The following AMER3 variants were observed in gnomAD, a reference collection of about 807,000 sequenced individuals.
The protein encoded by AMER3 is family with sequence similarity 123C.
For missense variants in AMER3, 1,201 were observed against 1,139.4 expected, an observed-to-expected ratio of 1.05 and a Z score of -0.78; for synonymous variants, 541 against 485.5, an observed-to-expected ratio of 1.11 and a Z score of -1.50.
Position 130,762,839 on chromosome 2 carries a change from A to G in AMER3, c.767A>G (p.Asp256Gly). The change falls in exon 2 of 2, where the codon GAT becomes GGT. Residue 256 changes from aspartate (D) to glycine (G), a missense_variant. Physicochemically the swap from Asp to Gly is moderately conservative, Grantham distance 94. Coordinates refer to ENST00000321420, the MANE Select transcript of AMER3 (RefSeq NM_152698.3). ...ACGGGTTGTGGGGAGGTGTTCGCAG[A>G]TGAGAGCTCGGTGCCATCTCTGGAG... ...SLTGCGEVFA[D>G]ESSVPSLELN... 6.2e-7 allele frequency: 1 copy of G among 1,613,458 alleles called. No individual in the cohort carries two copies. Among genetic ancestry groups the G allele is most frequent in the Non-Finnish European group, 8.5e-7 (1 of 1,179,992 alleles).
In AMER3 at chr2:130,765,817, A is replaced by G. The variant is rs1479013181; in HGVS notation, c.*1159A>G. The G allele has an allele frequency of 6.0e-6, 1 of 167,006 alleles. No homozygotes were observed. Among genetic ancestry groups the G allele is most frequent in the Non-Finnish European group, 1.5e-5 (1 of 68,120 alleles). 10.3% of individuals were successfully genotyped at this position (167,006 alleles called of 1,614,324 possible). A position where few individuals can be genotyped will look rare whatever the true frequency, so the allele number is the denominator to read the frequency against. The stretch of plus-strand genomic sequence containing the variant: ...AGCAGATTGAATGCTGCCCACCAAC[A>G]TTGAGGGTGGATCTTCCACACCTAG... On this transcript the variant is annotated 3_prime_UTR_variant, in exon 2 of 2. Transcript: ENST00000321420.
At position 130,762,336 on chromosome 2, in the gene AMER3, G is replaced by A. The variant is rs771546193; in HGVS notation, c.264G>A (p.Pro88=). Residue 88 remains proline (P), a synonymous_variant, in exon 2 of 2, where the codon CCG becomes CCA. Coordinates refer to ENST00000321420, the MANE Select transcript of AMER3 (RefSeq NM_152698.3). ...CCCTCTGTGGAGCCACCTTCAAACC[G>A]GTGCGAAAGTGCAAGACTCACGACA... ...PAALCGATFK[P]VRKCKTHDSM... 4.0e-5 allele frequency: 65 copies of A among 1,610,912 alleles called. No individual in the cohort carries two copies. In the African/African-American group the frequency reaches 5.7e-4, roughly 14 times the overall value.
In AMER3 at chr2:130,764,827, C is replaced by A; in HGVS notation, c.*169C>A. The A allele has an allele frequency of 1.2e-6, 1 of 860,096 alleles. No individual in the cohort carries two copies. Among genetic ancestry groups the A allele is most frequent in the Non-Finnish European group, 1.8e-6 (1 of 565,078 alleles). The allele number at this position is 860,096 out of a possible 1,614,324, so 53.3% of individuals were successfully genotyped here. A position where few individuals can be genotyped will look rare whatever the true frequency, so the allele number is the denominator to read the frequency against. ...GCATGTTCATGTGGAGGCATCCTTG[C>A]CTGAACCCACCAGCTCAGGCAGCCC... On this transcript the variant is annotated 3_prime_UTR_variant, in exon 2 of 2. Coordinates refer to ENST00000321420, the MANE Select transcript of AMER3 (RefSeq NM_152698.3).
rs1678988246 is a variant in AMER3 at position 130,766,535 on chromosome 2, G to C, written c.*1877G>C. ...AGACAGGGTCTCACTTTGTTGCCCAGGTGGGAATGGGAGTGCAGTGGCACA... is the reference window on the plus strand; with the variant it reads ...AGACAGGGTCTCACTTTGTTGCCCACGTGGGAATGGGAGTGCAGTGGCACA... On this transcript the variant is annotated 3_prime_UTR_variant, in exon 2 of 2. Transcript: ENST00000321420. The C allele has an allele frequency of 7.1e-6, 1 of 140,678 alleles. No individual in the cohort carries two copies. The highest frequency in any genetic ancestry group is 2.8e-5 in the African/African-American group (1 of 35,888). The allele number at this position is 140,678 out of a possible 1,614,324, so 8.7% of individuals were successfully genotyped here.
rs1388071721 is a variant in AMER3 at position 130,755,567 on chromosome 2, C to G, written c.-127C>G. 1 of 152,800 alleles carries G rather than the reference C, an allele frequency of 6.5e-6. No homozygotes were observed. Among genetic ancestry groups the G allele is most frequent in the Non-Finnish European group, 1.5e-5 (1 of 68,526 alleles). 9.5% of individuals were successfully genotyped at this position (152,800 alleles called of 1,614,324 possible). A position where few individuals can be genotyped will look rare whatever the true frequency, so the allele number is the denominator to read the frequency against. On this transcript the variant is annotated 5_prime_UTR_variant, in exon 1 of 2. Transcript: ENST00000321420. Reference sequence around the variant, plus strand: ...TCCACCCCAGCCCCAGGCACTGAACCACGCGTGCAGACCCCTCGTCCTCAG... The same window carrying G: ...TCCACCCCAGCCCCAGGCACTGAACGACGCGTGCAGACCCCTCGTCCTCAG...
chr2:130,756,837 C>A (rs1678626533), intron 1 of AMER3, among the ~76,000 whole-genome samples: 2 of 150,812 alleles, frequency 1.3e-5, no homozygotes, highest in South Asian at 4.2e-4. Flanking sequence ...AGAGCACGGT[C>A]GCTTTCCCTC....
intron 1 of AMER3, among the ~76,000 whole-genome samples, chr2:130,757,770 G>C (rs1678653293): frequency 6.6e-6 from 1 of 152,170 alleles, no homozygotes; most frequent in Non-Finnish European, 1.5e-5. Context: ...TGTTCCCATG[G>C]AACTTGCAAG....
chr2:130,764,322 G>C lies in AMER3; in HGVS notation c.2250G>C (p.Gln750His). 2 of 1,608,880 alleles carry C rather than the reference G, an allele frequency of 1.2e-6. No homozygotes were observed. Among genetic ancestry groups the C allele is most frequent in the Non-Finnish European group, 1.7e-6 (2 of 1,176,578 alleles). The stretch of plus-strand genomic sequence containing the variant: ...ACCAGAGGTGTCGAGATCGTGTCCA[G>C]GACCTGAGCTGGCTCAGGGTGGAGC... ...TQDQRCRDRV[Q>H]DLSWLRVEPT... Residue 750 changes from glutamine to histidine, a missense_variant, in exon 2 of 2, where the codon CAG becomes CAC. Transcript: ENST00000321420.
chr2:130,760,154 G>A (rs756979737), intron 1 of AMER3, among the ~76,000 whole-genome samples: 17 of 152,240 alleles, frequency 1.1e-4, no homozygotes, highest in Non-Finnish European at 2.5e-4. Flanking sequence ...ACTAGCAACA[G>A]CTGAGCTGCA....
rs1678846119 is a variant in AMER3, at chr2:130,763,023, G to T, written c.951G>T (p.Val317=). 1.2e-6 allele frequency: 2 copies of T among 1,613,408 alleles called. No homozygotes were observed. Among genetic ancestry groups the T allele is most frequent in the Non-Finnish European group, 1.7e-6 (2 of 1,180,016 alleles). ...TCTGGGACAGTGTGAATCGCTCAGT[G>T]CGTCAGCAGCAGCGTGCCCTCCTAG... ...TRFWDSVNRS[V]RQQQRALLGP... is the part of the protein sequence containing the mutation. Residue 317 remains valine, a synonymous_variant, in exon 2 of 2, where the codon GTG becomes GTT. Coordinates refer to ENST00000321420, the MANE Select transcript of AMER3 (RefSeq NM_152698.3).
In AMER3 at chr2:130,762,800, G is replaced by A; in HGVS notation, c.728G>A (p.Ser243Asn). The A allele has an allele frequency of 6.2e-7, 1 of 1,612,646 alleles. No homozygotes were observed. The highest frequency in any genetic ancestry group is 8.5e-7 in the Non-Finnish European group (1 of 1,179,326). Residue 243 changes from serine (S) to asparagine (N), a missense_variant, in exon 2 of 2, where the codon AGC becomes AAC. Ser to Asn is a conservative substitution (Grantham distance 46, BLOSUM62 1). Transcript: ENST00000321420. ...TGTGAGGACGTGGCCTCACTCCAGAGCTTCGACTCGCTCACGGGTTGTGGG... is the reference window on the plus strand; with the variant it reads ...TGTGAGGACGTGGCCTCACTCCAGAACTTCGACTCGCTCACGGGTTGTGGG... ...ALCEDVASLQ[S>N]FDSLTGCGEV...
rs757455275 is a variant in AMER3 at position 130,764,075 on chromosome 2, A to G, written c.2003A>G (p.Asp668Gly). ...WRPGHGGDTL[D>G]AEPMLAGCVA... Reference sequence around the variant, plus strand: ...CCAGGTCACGGAGGTGACACTCTGGATGCAGAGCCCATGCTGGCAGGCTGT... The same window carrying G: ...CCAGGTCACGGAGGTGACACTCTGGGTGCAGAGCCCATGCTGGCAGGCTGT... Residue 668 changes from aspartate to glycine, a missense_variant, in exon 2 of 2, where the codon GAT becomes GGT. Physicochemically the swap from Asp to Gly is moderately conservative, Grantham distance 94. Transcript: ENST00000321420. 2 of 1,612,206 alleles carry G rather than the reference A, an allele frequency of 1.2e-6. No homozygotes were observed. Among genetic ancestry groups the G allele is most frequent in the South Asian group, 2.2e-5 (2 of 90,806 alleles).
chr2:130,762,355 C>T lies in AMER3; in HGVS notation c.283C>T (p.His95Tyr), dbSNP rs373392703. Residue 95 changes from histidine (H) to tyrosine (Y), a missense_variant, in exon 2 of 2, where the codon CAC becomes TAC. Coordinates refer to ENST00000321420, the MANE Select transcript of AMER3 (RefSeq NM_152698.3). ...CAAACCGGTGCGAAAGTGCAAGACT[C>T]ACGACAGCATGTCTGGGGCAGGCAG... ...TFKPVRKCKT[H>Y]DSMSGAGRAT... 1.9e-6 allele frequency: 3 copies of T among 1,612,142 alleles called. No homozygotes were observed. In the Admixed American group the frequency reaches 5.0e-5, roughly 27 times the overall value.
rs1678974622 is a variant in AMER3 at position 130,766,064 on chromosome 2, T to TG, written c.*1407dup. The TG allele has an allele frequency of 6.0e-6, 1 of 167,078 alleles. No individual in the cohort carries two copies. The highest frequency in any genetic ancestry group is 6.5e-5 in the Admixed American group (1 of 15,292). 10.3% of individuals were successfully genotyped at this position (167,078 alleles called of 1,614,324 possible). On this transcript the variant is annotated 3_prime_UTR_variant, in exon 2 of 2. Coordinates refer to ENST00000321420, the MANE Select transcript of AMER3 (RefSeq NM_152698.3). ...AAGGCAGTAGCTCCACCTAACATGA[T>TG]GCAACTATCCCGGGATTGTGATTTT...
rs759731858 is a variant in AMER3 at position 130,764,530 on chromosome 2, C to T, written c.2458C>T (p.Gln820Ter). Residue 820 changes from glutamine to a stop codon, truncating the protein, a stop_gained, in exon 2 of 2, where the codon CAG becomes TAG. Transcript: ENST00000321420. LOFTEE classifies it low-confidence loss of function (END_TRUNC). ...AAGCCTGGGCCTCACTTTGAACAGCCAGCAGGAAGGGGGGGTCTCTGCAAG... is the reference window on the plus strand; with the variant it reads ...AAGCCTGGGCCTCACTTTGAACAGCTAGCAGGAAGGGGGGGTCTCTGCAAG... ...PESLGLTLNS[Q>*]QEGGVSASAP... 1.2e-6 allele frequency: 2 copies of T among 1,603,782 alleles called. No individual in the cohort carries two copies. The highest frequency in any genetic ancestry group is 2.2e-5 in the East Asian group (1 of 44,620).
chr2:130,762,545 A>C lies in AMER3; in HGVS notation c.473A>C (p.Lys158Thr). The change falls in exon 2 of 2, where the codon AAG becomes ACG. Residue 158 changes from lysine to threonine, a missense_variant. Lys to Thr is a moderately conservative substitution (Grantham distance 78). Transcript: ENST00000321420. ...RKRISLKRPK[K>T]CFRNLFHIRR... ...AGGATTTCCCTGAAGAGGCCCAAGA[A>C]GTGCTTTCGGAACCTATTCCACATT... is the stretch of plus-strand genomic sequence containing the variant. 1.2e-6 allele frequency: 2 copies of C among 1,613,506 alleles called. No homozygotes were observed. Among genetic ancestry groups the C allele is most frequent in the Non-Finnish European group, 1.7e-6 (2 of 1,180,010 alleles).
Position 130,763,662 on chromosome 2 carries a change from A to G in AMER3, c.1590A>G (p.Pro530=), listed in dbSNP as rs749202289. The change falls in exon 2 of 2, where the codon CCA becomes CCG. Residue 530 remains proline (P), a synonymous_variant. Coordinates refer to ENST00000321420, the MANE Select transcript of AMER3 (RefSeq NM_152698.3). The part of the protein sequence containing the change: ...APPTPGQPAA[P]PGSQGAPRAP... The stretch of plus-strand genomic sequence containing the variant: ...CCACCCCTGGGCAGCCTGCAGCTCC[A>G]CCTGGTTCCCAGGGAGCCCCTAGGG... The G allele has an allele frequency of 1.8e-5, 27 of 1,521,822 alleles. 1 individual carries two copies. The Admixed American group carries it at 4.9e-4, about 28-fold the overall frequency. 94.3% of individuals were successfully genotyped at this position (1,521,822 alleles called of 1,614,324 possible). A position where few individuals can be genotyped will look rare whatever the true frequency, so the allele number is the denominator to read the frequency against.
Position 130,762,501 on chromosome 2 carries a change from C to A in AMER3, c.429C>A (p.Ala143=), listed in dbSNP as rs1435569643. ...AGATGCCCTTTGTGCCAGCTGTGGC[C>A]AAGAGCATCCCGAGGAAGAGGATTT... ...VPQMPFVPAV[A]KSIPRKRISL... The change falls in exon 2 of 2, where the codon GCC becomes GCA. Residue 143 remains alanine, a synonymous_variant. Transcript: ENST00000321420. The A allele has an allele frequency of 6.2e-7, 1 of 1,613,334 alleles. No individual in the cohort carries two copies. The highest frequency in any genetic ancestry group is 8.5e-7 in the Non-Finnish European group (1 of 1,180,010).
At chr2:130,760,580 G>A (rs775273125) in intron 1 of AMER3, among the ~76,000 whole-genome samples, 3 of 152,286 alleles carry the variant, frequency 2.0e-5, no homozygotes, top group East Asian at 1.9e-4. Context: ...ATGGAGAGGC[G>A]AAGGAGCCAG....
Sources: allele counts gnomAD v4.1 joint callset (sites outside exome capture counted in the v4.1 genomes callset), GRCh38; gene constraint gnomAD v4.1.1; transcripts MANE v1.5; gene names NCBI Gene and HGNC (gene_info 2026-07-23, HGNC 2026-07-21).